The following BEND7 variants were observed in gnomAD, a reference collection of about 807,000 sequenced individuals.
BEND7 encodes BEN domain-containing protein 7.
BEND7 carries 28 observed loss-of-function variants against 50.9 expected under a neutral mutation model. The ratio of observed to expected loss-of-function variants is 0.55; its 90% CI spans 0.41 to 0.75. The LOEUF (loss-of-function observed/expected upper bound fraction) is 0.75, where lower values mean the gene tolerates loss of function less well. BEND7 is among the 30% of genes least tolerant of loss of function. BEND7 has a pLI of 0.00. For synonymous variants in BEND7, 170 were observed against 183.9 expected (o/e 0.92, Z 0.61); for missense variants, 477 against 491.3 (o/e 0.97, Z 0.28).
chr10:13,451,324 G>A (rs1275046652), intron 7 of BEND7, among the ~76,000 whole-genome samples: 1 of 151,314 alleles, frequency 6.6e-6, no homozygotes. Context: ...AAGTAGGTGG[G>A]ACAACAGGTG....
intron 6 of BEND7, among the ~76,000 whole-genome samples, chr10:13,472,343 A>T (rs956930083): frequency 1.3e-5 from 2 of 150,098 alleles, no homozygotes; most frequent in African/African-American, 4.9e-5. Context: ...CTCAGGGCCA[A>T]CATCATCATT....
At chr10:13,515,150 T>C (rs970680720) in intron 2 of BEND7, among the ~76,000 whole-genome samples, 1 of 152,238 alleles carries the variant, frequency 6.6e-6, no homozygotes, top group African/African-American at 2.4e-5. Flanking sequence ...CAATGAGAAA[T>C]GCTGCGAGAG....
intron 6 of BEND7, among the ~76,000 whole-genome samples, chr10:13,462,693 A>G (rs1289098427): frequency 2.0e-5 from 3 of 152,232 alleles, no homozygotes; most frequent in Non-Finnish European, 4.4e-5. Context: ...AGGGTCCAGT[A>G]AACACTAATA....
chr10:13,450,330 G>T (rs929199270), intron 7 of BEND7, among the ~76,000 whole-genome samples: 3 of 152,156 alleles, frequency 2.0e-5, no homozygotes, highest in Non-Finnish European at 4.4e-5. Context: ...GACACTGTTT[G>T]TATTATCATT....
intron 6 of BEND7, among the ~76,000 whole-genome samples, chr10:13,465,542 G>A (rs570694633): frequency 6.6e-6 from 1 of 152,236 alleles, no homozygotes; most frequent in Admixed American, 6.5e-5. Flanking sequence ...GTAATGAAAA[G>A]GGCCCTAGAT....
intron 5 of BEND7, among the ~76,000 whole-genome samples, chr10:13,486,942 G>A (rs927854949): frequency 6.6e-6 from 1 of 152,124 alleles, no homozygotes; most frequent in Non-Finnish European, 1.5e-5. Flanking sequence ...CACTGAAATG[G>A]CTCCTCCAAG....
chr10:13,513,688 A>G (rs1397066115), intron 2 of BEND7, among the ~76,000 whole-genome samples: 2 of 152,146 alleles, frequency 1.3e-5, no homozygotes, highest in African/African-American at 4.8e-5. Context: ...CTCCCCTCCC[A>G]TTCTACTCCA....
At chr10:13,446,713 C>T (rs1290138112) in intron 8 of BEND7, 2 of 161,498 alleles carry the variant, frequency 1.2e-5, no homozygotes, top group Non-Finnish European at 2.7e-5. Context: ...AACACAACAG[C>T]GTGCAGCAAA....
chr10:13,458,641 C>G (rs144726974), intron 6 of BEND7, among the ~76,000 whole-genome samples: 2 of 152,208 alleles, frequency 1.3e-5, no homozygotes, highest in Non-Finnish European at 2.9e-5. Context: ...GTTTACAGCA[C>G]GCAGAACTGA....
At chr10:13,511,179 C>CA (rs1021317908) in intron 2 of BEND7, 5 of 151,500 alleles carry the variant, frequency 3.3e-5, no homozygotes, top group Non-Finnish European at 5.9e-5. Context: ...GACTCTGTCT[C>CA]AAAAAAAACA....
chr10:13,470,838 C>T (rs867720411), intron 6 of BEND7, among the ~76,000 whole-genome samples: 10 of 152,292 alleles, frequency 6.6e-5, no homozygotes, highest in Middle Eastern at 6.8e-3. Context: ...ATTTCACTGG[C>T]ATTATATTCA....
chr10:13,469,587 C>T (rs574182341), intron 6 of BEND7, among the ~76,000 whole-genome samples: 62 of 152,286 alleles, frequency 4.1e-4, no homozygotes, highest in African/African-American at 1.4e-3. Context: ...AGTGATTCCC[C>T]TGCCTCAGCC....
At chr10:13,483,865 T>C (rs762633018) in intron 5 of BEND7, among the ~76,000 whole-genome samples, 25 of 152,014 alleles carry the variant, frequency 1.6e-4, no homozygotes, top group Non-Finnish European at 3.4e-4. Context: ...CAGGAGGGGA[T>C]AGGACAGTGT....
At chr10:13,452,794 T>C in intron 6 of BEND7, 136 bp from the exon 7 acceptor site, 1 of 748,960 alleles carries the variant, frequency 1.3e-6, no homozygotes, top group Non-Finnish European at 2.0e-6. Context: ...CTTCGGTATC[T>C]GTATTATATT....
intron 2 of BEND7, among the ~76,000 whole-genome samples, chr10:13,522,071 G>C (rs2079114771): frequency 6.6e-6 from 1 of 152,152 alleles, no homozygotes; most frequent in South Asian, 2.1e-4. Context: ...TAACTGAACT[G>C]AATATTAAAA....
intron 6 of BEND7, among the ~76,000 whole-genome samples, chr10:13,477,054 C>G (rs755689929): frequency 1.3e-5 from 2 of 152,148 alleles, no homozygotes; most frequent in African/African-American, 4.8e-5. Flanking sequence ...TTAATTACCA[C>G]TACAAAAAGC....
Position 13,521,842 on chromosome 10 carries a change from G to A in BEND7, c.145+4296C>T, listed in dbSNP as rs566427117. ...ACAGACGGACCTGCCGAGTCCTCCA[G>A]GGAGGAGAACGATGTCGTGGCTGGG... On this transcript the variant is annotated intron_variant, in intron 2 of 8. Transcript: ENST00000466271. Among the ~76,000 whole-genome samples the A allele has an allele frequency of 1.8e-4, 27 of 152,346 alleles. No homozygotes were observed. In the South Asian group the frequency reaches 5.2e-3, roughly 29 times the overall value.
intron 6 of BEND7, among the ~76,000 whole-genome samples, chr10:13,453,717 T>C (rs1838308551): frequency 6.6e-6 from 1 of 152,142 alleles, no homozygotes. Flanking sequence ...ACCAAAGAAC[T>C]GCAAAACACA....
At chr10:13,446,126 G>A (rs1296644627) in intron 8 of BEND7, 7 of 152,222 alleles carry the variant, frequency 4.6e-5, no homozygotes, top group African/African-American at 9.7e-5. Flanking sequence ...CTCTGTATGG[G>A]AAGAACTTGA....
Sources: gnomAD v4.1 joint callset for allele counts (sites outside exome capture counted in the v4.1 genomes callset) on GRCh38, gnomAD v4.1.1 for gene constraint, MANE v1.5 for transcripts, NCBI Gene and HGNC (gene_info 2026-07-23, HGNC 2026-07-21) for gene names.